The following SIL1 variants were observed in gnomAD, a reference collection of about 807,000 sequenced individuals.
SIL1 encodes the protein nucleotide exchange factor SIL1.
A neutral mutation model predicts 49.1 loss-of-function variants in SIL1; 40 were observed. The ratio of observed to expected loss-of-function variants is 0.81; its 90% CI spans 0.63 to 1.06. The LOEUF (loss-of-function observed/expected upper bound fraction) is 1.06. Ranked by LOEUF, SIL1 falls within the 50% of genes least tolerant of loss-of-function variation. The pLI is 0.00. For missense variants in SIL1, 500 were observed against 572.6 expected (o/e 0.87, Z 1.29); for synonymous variants, 253 against 250.8 (o/e 1.01, Z -0.08).
intron 3 of SIL1, among the ~76,000 whole-genome samples, chr5:139,069,626 A>G (rs1343388779): frequency 1.3e-5 from 2 of 152,196 alleles, no homozygotes; most frequent in African/African-American, 4.8e-5. Flanking sequence ...TCCTGAAATG[A>G]AAAAAATACT....
At chr5:139,120,948 GC>G (rs1750615772) in intron 3 of SIL1, 86 bp downstream of exon 3, 2 of 1,540,154 alleles carry the variant, frequency 1.3e-6, no homozygotes, top group Non-Finnish European at 1.8e-6. Context: ...GAGAAGAGCA[GC>G]CTGAAGGAGC....
intron 7 of SIL1, among the ~76,000 whole-genome samples, chr5:138,953,148 C>T (rs926100660): frequency 2.6e-5 from 4 of 152,260 alleles, no homozygotes; most frequent in Admixed American, 1.3e-4. Flanking sequence ...GCTGCCTGCC[C>T]TTGGCATGAC....
At chr5:138,962,048 T>C (rs1292723919) in intron 7 of SIL1, among the ~76,000 whole-genome samples, 2 of 151,318 alleles carry the variant, frequency 1.3e-5, no homozygotes, top group Admixed American at 1.3e-4. Flanking sequence ...CTTAACCTCC[T>C]GAGAGAGAAA....
At chr5:139,019,988 T>C (rs540184283) in intron 7 of SIL1, among the ~76,000 whole-genome samples, 1 of 152,332 alleles carries the variant, frequency 6.6e-6, no homozygotes, top group South Asian at 2.1e-4. Flanking sequence ...CCGCAGATAC[T>C]AACGTCAAAC....
intron 3 of SIL1, among the ~76,000 whole-genome samples, chr5:139,075,917 T>C (rs1400494041): frequency 1.3e-5 from 2 of 152,182 alleles, no homozygotes; most frequent in African/African-American, 4.8e-5. Context: ...CAGTAGGGCA[T>C]GGAAAGCTGG....
At chr5:139,140,767 G>A (rs548280098) in intron 1 of SIL1, among the ~76,000 whole-genome samples, 3 of 152,278 alleles carry the variant, frequency 2.0e-5, no homozygotes, top group Non-Finnish European at 4.4e-5. Context: ...CAATTAAGGA[G>A]CAGAGGATTT....
At chr5:139,105,775 A>G (rs774985758) in intron 3 of SIL1, among the ~76,000 whole-genome samples, 7 of 152,240 alleles carry the variant, frequency 4.6e-5, no homozygotes, top group Non-Finnish European at 1.0e-4. Flanking sequence ...GCACAGGCTT[A>G]TGTTCCCAAA....
intron 7 of SIL1, among the ~76,000 whole-genome samples, chr5:138,953,675 A>AT (rs1376101902): frequency 7.5e-6 from 1 of 133,918 alleles, no homozygotes; most frequent in African/African-American, 3.2e-5. Context: ...CTGGGAGCTG[A>AT]GCTGCTCCCC....
chr5:139,177,032 A>G (rs1029071217), intron 1 of SIL1, among the ~76,000 whole-genome samples: 1 of 141,826 alleles, frequency 7.1e-6, no homozygotes. Context: ...TTCTGGGTTC[A>G]TGCCATTCTC....
chr5:139,060,279 T>C lies in SIL1; in HGVS notation c.245-9233A>G, dbSNP rs184081978. 3.3e-5 allele frequency among the ~76,000 whole-genome samples: 5 copies of C among 149,858 alleles called. No individual in the cohort carries two copies. The South Asian group carries it at 1.1e-3, about 32-fold the overall frequency. ...TCTGTTCTCTTACATACTTTTTTTTTGTATAGTTACTGTTTTTTTAAGCCA... is the reference window on the plus strand; with the variant it reads ...TCTGTTCTCTTACATACTTTTTTTTCGTATAGTTACTGTTTTTTTAAGCCA... On this transcript the variant is annotated intron_variant, in intron 3 of 9. Transcript: ENST00000394817.
At chr5:139,038,275 T>C (rs1768962099) in intron 5 of SIL1, among the ~76,000 whole-genome samples, 3 of 152,360 alleles carry the variant, frequency 2.0e-5, no homozygotes, top group African/African-American at 7.2e-5. Context: ...TTTTTAATTA[T>C]ATCCTAGACA....
At chr5:139,130,613 A>C (rs1750845033) in intron 1 of SIL1, among the ~76,000 whole-genome samples, 1 of 152,226 alleles carries the variant, frequency 6.6e-6, no homozygotes, top group Admixed American at 6.5e-5. Context: ...ATGTCCCGGC[A>C]ATTCCACTCC....
intron 7 of SIL1, among the ~76,000 whole-genome samples, chr5:139,010,008 C>T (rs1218735175): frequency 2.0e-5 from 3 of 151,904 alleles, no homozygotes; most frequent in Admixed American, 2.0e-4. Flanking sequence ...GAATATTGGC[C>T]TGCCTTGCTA....
chr5:139,162,924 C>T (rs965198052), intron 1 of SIL1, among the ~76,000 whole-genome samples: 3 of 151,876 alleles, frequency 2.0e-5, no homozygotes, highest in Non-Finnish European at 4.4e-5. Flanking sequence ...AAAGGAAGAG[C>T]CTTTCTTGTA....
At position 139,027,006 on chromosome 5, in the gene SIL1, C is replaced by G. The variant is rs2150433519; in HGVS notation, c.454-14G>C. 1 of 1,613,958 alleles carries G rather than the reference C, an allele frequency of 6.2e-7. No individual in the cohort carries two copies. The highest frequency in any genetic ancestry group is 1.6e-4 in the Middle Eastern group (1 of 6,062). On this transcript the variant is annotated splice_polypyrimidine_tract_variant and intron_variant, in intron 5 of 9. Coordinates refer to ENST00000394817, the MANE Select transcript of SIL1 (RefSeq NM_022464.5). ...AGCCTGCCTTGCCTAAGGAGAGCAGCAAAGAGGTGATTAAATTGGTTGGAG... is the reference window on the plus strand; with the variant it reads ...AGCCTGCCTTGCCTAAGGAGAGCAGGAAAGAGGTGATTAAATTGGTTGGAG...
At chr5:138,949,610 A>C (rs1580974129) in intron 9 of SIL1, among the ~76,000 whole-genome samples, 1 of 151,970 alleles carries the variant, frequency 6.6e-6, no homozygotes, top group East Asian at 1.9e-4. Context: ...CCAGGAGTTC[A>C]AGACCAGCCT....
In SIL1 at chr5:139,040,828, C is replaced by T. The variant is rs112881806; in HGVS notation, c.453+1792G>A. ...CCAGCAACTAAAACTTTTAAGTAAT[C>T]TCTTGGTTATACATTTTGAAATACT... On this transcript the variant is annotated intron_variant, in intron 5 of 9. Transcript: ENST00000394817. 5.9e-4 allele frequency among the ~76,000 whole-genome samples: 90 copies of T among 152,198 alleles called. 1 individual carries two copies. The highest frequency in any genetic ancestry group is 2.2e-3 in the African/African-American group (90 of 41,522).
intron 5 of SIL1, among the ~76,000 whole-genome samples, chr5:139,033,616 T>G (rs1244486918): frequency 6.6e-6 from 1 of 151,998 alleles, no homozygotes; most frequent in East Asian, 1.9e-4. Flanking sequence ...CCTCTTTGAC[T>G]TGACTGGAGA....
intron 3 of SIL1, among the ~76,000 whole-genome samples, chr5:139,111,203 C>T (rs1398627496): frequency 2.0e-5 from 3 of 152,156 alleles, no homozygotes; most frequent in Admixed American, 2.0e-4. Flanking sequence ...AGCAGAAGAC[C>T]ACCCTCAGCT....
Sources: allele counts gnomAD v4.1 joint callset (sites outside exome capture counted in the v4.1 genomes callset), GRCh38; gene constraint gnomAD v4.1.1; transcripts MANE v1.5; gene names NCBI Gene and HGNC (gene_info 2026-07-23, HGNC 2026-07-21).